Variants in CCND3 observed in about 807,000 individuals in gnomAD.
CCND3 encodes cyclin D3.
In CCND3, 9 loss-of-function variants were observed where a neutral mutation model predicts 28.7. That is an observed-to-expected ratio of 0.31 (90% confidence interval 0.19 to 0.55). CCND3 has a LOEUF of 0.55. Ranked by LOEUF, CCND3 falls within the 20% of genes least tolerant of loss-of-function variation. The probability of loss-of-function intolerance (pLI) is 0.93; values close to 1 mark genes in which losing one functional copy is unlikely to be tolerated. For synonymous variants in CCND3, 164 were observed against 163.9 expected (o/e 1.00, Z 0.00); for missense variants, 315 against 385.8 (o/e 0.82, Z 1.54).
intron 1 of CCND3, among the ~76,000 whole-genome samples, chr6:41,993,948 A>G (rs1432097627): frequency 4.0e-5 from 1 of 25,280 alleles, no homozygotes; most frequent in Non-Finnish European, 9.4e-5. Context: ...AAAAAAAAAA[A>G]AAAAAAAAAA....
rs1776017632 is a variant in CCND3, at chr6:41,941,491, C to T, written c.159G>A (p.Lys53=). The T allele has an allele frequency of 6.2e-7, 1 of 1,608,266 alleles. No homozygotes were observed. The highest frequency in any genetic ancestry group is 1.7e-5 in the Admixed American group (1 of 59,748). ...SYFQCVQREI[K]PHMRKMLAYW... ...AAGCCAGCATCTTCCGCATGTGCGGCTTGATCTCCCGCTGCACGCACTGGA... is the reference window on the plus strand; with the variant it reads ...AAGCCAGCATCTTCCGCATGTGCGGTTTGATCTCCCGCTGCACGCACTGGA... Residue 53 remains lysine (K), a synonymous_variant, in exon 1 of 5, where the codon AAG becomes AAA. Coordinates refer to ENST00000372991, the MANE Select transcript of CCND3 (RefSeq NM_001760.5). The surrounding 1 kb of genome is among the most constrained non-coding windows in gnomAD (Gnocchi z 6.1).
At chr6:41,971,466 G>A (rs983271654) in intron 1 of CCND3, among the ~76,000 whole-genome samples, 8 of 152,082 alleles carry the variant, frequency 5.3e-5, no homozygotes, top group African/African-American at 1.9e-4. Flanking sequence ...TCCCCATTTT[G>A]TGGATAAGGA....
At chr6:41,996,453 T>C (rs1302825863) in intron 1 of CCND3, among the ~76,000 whole-genome samples, 1 of 151,806 alleles carries the variant, frequency 6.6e-6, no homozygotes, top group Non-Finnish European at 1.5e-5. Context: ...CCCAGCCTGA[T>C]ATATTTATAT....
At chr6:41,979,800 A>AT (rs1447660907) in intron 1 of CCND3, among the ~76,000 whole-genome samples, 6 of 150,886 alleles carry the variant, frequency 4.0e-5, no homozygotes, top group East Asian at 1.9e-4. Context: ...AGAAACTTTT[A>AT]TTTTTTTTGT....
chr6:41,946,986 G>A (rs1043121579), intron 1 of CCND3, among the ~76,000 whole-genome samples: 8 of 152,090 alleles, frequency 5.3e-5, no homozygotes, highest in East Asian at 1.9e-4. Context: ...TTGGGAGGCC[G>A]AGGCGGGCAG....
chr6:41,940,221 C>G (rs1353073750), intron 2 of CCND3, 149 bp downstream of exon 2: 5 of 705,996 alleles, frequency 7.1e-6, no homozygotes, highest in Non-Finnish European at 1.2e-5. Flanking sequence ...AATGCCCCAT[C>G]GTTTGTTCCA....
At position 42,038,225 on chromosome 6, in the gene CCND3, T is replaced by C. The variant is rs187036015; in HGVS notation, c.-46+10276A>G. Among the ~76,000 whole-genome samples the C allele has an allele frequency of 3.6e-3, 541 of 152,084 alleles. 7 individuals are homozygous for C. Among genetic ancestry groups the C allele is most frequent in the Admixed American group, 0.032 (489 of 15,258 alleles). ...TTCACATTTTTACCTCTTGGCCCCA[T>C]TGTGCTGCTGGATTTTTTTTAACTA... On this transcript the variant is annotated intron_variant, in intron 1 of 4. Coordinates refer to the CCND3 transcript ENST00000372988.
chr6:42,017,244 C>T (rs1320593623), intron 1 of CCND3, among the ~76,000 whole-genome samples: 1 of 152,240 alleles, frequency 6.6e-6, no homozygotes, highest in African/African-American at 2.4e-5. Flanking sequence ...ATCAGGGGCC[C>T]ACAGCCTCTC....
intron 1 of CCND3, among the ~76,000 whole-genome samples, chr6:41,948,558 G>A (rs893157957): frequency 6.6e-6 from 1 of 152,068 alleles, no homozygotes; most frequent in Non-Finnish European, 1.5e-5. Context: ...AAAACACCAG[G>A]CTGGGCGCGG....
chr6:42,011,433 A>C (rs1184618528), intron 1 of CCND3, among the ~76,000 whole-genome samples: 2 of 152,184 alleles, frequency 1.3e-5, no homozygotes, highest in African/African-American at 4.8e-5. Context: ...CTAACTGGGA[A>C]TTTATTAAAG....
At chr6:41,998,840 T>C (rs1017137513) in intron 1 of CCND3, among the ~76,000 whole-genome samples, 5 of 151,244 alleles carry the variant, frequency 3.3e-5, no homozygotes, top group African/African-American at 1.2e-4. Context: ...CCACCACACC[T>C]GGTTAATTTT....
intron 1 of CCND3, among the ~76,000 whole-genome samples, chr6:41,987,479 C>T (rs888795741): frequency 1.6e-5 from 2 of 121,284 alleles, no homozygotes; most frequent in Admixed American, 8.3e-5. Context: ...CCAGGCTTTT[C>T]TCTCTCTCTC....
intron 1 of CCND3, among the ~76,000 whole-genome samples, chr6:41,961,140 G>A (rs1441201951): frequency 6.6e-6 from 1 of 152,230 alleles, no homozygotes; most frequent in Non-Finnish European, 1.5e-5. Flanking sequence ...GACATCGGAT[G>A]CTGAGCCCTG....
intron 1 of CCND3, among the ~76,000 whole-genome samples, chr6:41,957,155 G>A (rs1776459854): frequency 6.6e-6 from 1 of 152,192 alleles, no homozygotes; most frequent in African/African-American, 2.4e-5. Flanking sequence ...GAAAGGCTGG[G>A]CCTATATTAC....
chr6:42,014,446 C>T (rs1763440866), intron 1 of CCND3, among the ~76,000 whole-genome samples: 1 of 152,126 alleles, frequency 6.6e-6, no homozygotes, highest in Admixed American at 6.6e-5. Context: ...TATATTAACT[C>T]CCTTAGTGTA....
chr6:42,048,633 CCCCCGG>C lies in CCND3; in HGVS notation c.-184_-179del, dbSNP rs1562003909. On this transcript the variant is annotated 5_prime_UTR_variant, in exon 1 of 5. Coordinates refer to the CCND3 transcript ENST00000372988. This position sits in a 1 kb window ranked among gnomAD's most constrained non-coding sequence, Gnocchi z 4.7. ...CGCGAGGAGAGGATTGCACCTCTCC[CCCCCGG>C]CCGGCATCCGAACAGAGCCAGTCTC... 1.9e-6 allele frequency: 1 copy of C among 518,086 alleles called. No homozygotes were observed. The highest frequency in any genetic ancestry group is 3.9e-6 in the Non-Finnish European group (1 of 259,608). 32.1% of individuals were successfully genotyped at this position (518,086 alleles called of 1,614,324 possible).
chr6:42,001,234 CA>C (rs56288797), intron 1 of CCND3, among the ~76,000 whole-genome samples: 1,752 of 73,918 alleles, frequency 0.024, 37 homozygotes, highest in African/African-American at 0.088. Context: ...GACCCCATCT[CA>C]AAAAAAAAAA....
intron 1 of CCND3, among the ~76,000 whole-genome samples, chr6:41,994,493 A>G (rs1762739405): frequency 1.3e-5 from 2 of 152,228 alleles, no homozygotes; most frequent in African/African-American, 4.8e-5. Flanking sequence ...CAAACAGAGC[A>G]CAGAGGATTT....
Position 41,998,039 on chromosome 6 carries a change from AG to A in CCND3, c.-46+50461del, listed in dbSNP as rs1195330895. Among the ~76,000 whole-genome samples, 134 of 151,894 alleles carry A rather than the reference AG, an allele frequency of 8.8e-4. 1 individual carries two copies. The highest frequency in any genetic ancestry group is 1.3e-3 in the Non-Finnish European group (85 of 67,946). ...GGCGTGGTGGCGCTCCTGTAATCCCAGCATTTTGGGAGGCCAAGGCAAGCAG... is the reference window on the plus strand; with the variant it reads ...GGCGTGGTGGCGCTCCTGTAATCCCACATTTTGGGAGGCCAAGGCAAGCAG... On this transcript the variant is annotated intron_variant, in intron 1 of 4. Coordinates refer to the CCND3 transcript ENST00000372988.
Sources: gnomAD v4.1 joint callset for allele counts (sites outside exome capture counted in the v4.1 genomes callset) on GRCh38, gnomAD v4.1.1 for gene constraint, Gnocchi (gnomAD v3.1) non-coding constraint, MANE v1.5 for transcripts, NCBI Gene and HGNC (gene_info 2026-07-23, HGNC 2026-07-21) for gene names.